The following B3GALT1 variants were observed in gnomAD, a reference collection of about 807,000 sequenced individuals.
B3GALT1 encodes UDP-Gal:betaGlcNAc beta 1,3-galactosyltransferase, polypeptide 1.
In B3GALT1, 10 loss-of-function variants were observed where a neutral mutation model predicts 23.2. The observed-to-expected ratio is 0.43, with a 90% CI of 0.27 to 0.73. The LOEUF (loss-of-function observed/expected upper bound fraction) is 0.73. Ranked by LOEUF, B3GALT1 falls within the 30% of genes least tolerant of loss-of-function variation. The pLI is 0.21. For synonymous variants in B3GALT1, 156 were observed against 141.5 expected, an observed-to-expected ratio of 1.10 and a Z score of -0.73; for missense variants, 299 against 405.4, an observed-to-expected ratio of 0.74 and a Z score of 2.25.
chr2:167,827,130 G>A (rs1372683080), intron 4 of B3GALT1, among the ~76,000 whole-genome samples: 1 of 152,148 alleles, frequency 6.6e-6, no homozygotes, highest in Non-Finnish European at 1.5e-5. Context: ...TCAAGACTCA[G>A]ACACCAGCAC....
chr2:167,367,771 C>T (rs148216896), intron 1 of B3GALT1, among the ~76,000 whole-genome samples: 2 of 152,166 alleles, frequency 1.3e-5, no homozygotes, highest in Admixed American at 6.5e-5. Flanking sequence ...ACCCTCTTCT[C>T]CCCTGAGCAA....
intron 2 of B3GALT1, among the ~76,000 whole-genome samples, chr2:167,625,985 A>ATATG (rs1324767675): frequency 8.3e-6 from 1 of 120,180 alleles, no homozygotes; most frequent in African/African-American, 3.1e-5. Context: ...ATATATATAT[A>ATATG]TGACCTAAGC....
At chr2:167,486,992 A>T (rs1420564199) in intron 1 of B3GALT1, among the ~76,000 whole-genome samples, 3 of 152,222 alleles carry the variant, frequency 2.0e-5, no homozygotes, top group Non-Finnish European at 4.4e-5. Context: ...TTGTTAAAAT[A>T]TGTACTTTAA....
chr2:167,821,837 G>A lies in B3GALT1; in HGVS notation c.-230+3044G>A, dbSNP rs530572818. On this transcript the variant is annotated intron_variant, in intron 4 of 4. Coordinates refer to ENST00000392690, the MANE Select transcript of B3GALT1 (RefSeq NM_020981.4). ...TAGCTTTACAGGAAGTACATCTGTCGGTTATTACAGTCATTCTTGTACAGT... is the reference window on the plus strand; with the variant it reads ...TAGCTTTACAGGAAGTACATCTGTCAGTTATTACAGTCATTCTTGTACAGT... Among the ~76,000 whole-genome samples, 12 of 152,158 alleles carry A rather than the reference G, an allele frequency of 7.9e-5. 1 individual carries two copies. In the South Asian group the frequency reaches 1.0e-3, roughly 13 times the overall value.
chr2:167,411,816 T>C (rs931284635), intron 1 of B3GALT1, among the ~76,000 whole-genome samples: 4 of 152,180 alleles, frequency 2.6e-5, no homozygotes, highest in African/African-American at 9.7e-5. Context: ...TAAGTGCTCA[T>C]CAATAGATGA....
At chr2:167,564,290 C>A (rs572698164) in intron 2 of B3GALT1, among the ~76,000 whole-genome samples, 11 of 151,580 alleles carry the variant, frequency 7.3e-5, no homozygotes, top group South Asian at 2.1e-4. Context: ...ACGCTCCCCC[C>A]CTCCCAGATG....
At position 167,684,896 on chromosome 2, in the gene B3GALT1, C is replaced by T. The variant is rs548089740; in HGVS notation, c.-352+37930C>T. Among the ~76,000 whole-genome samples the T allele has an allele frequency of 2.6e-5, 4 of 152,224 alleles. No individual in the cohort carries two copies. In the South Asian group the frequency reaches 8.3e-4, roughly 32 times the overall value. ...CTCCTGTCCCATCAGTTAATCATAGCCACCTGGGGCTCGTGAAAAATAGAC... is the reference window on the plus strand; with the variant it reads ...CTCCTGTCCCATCAGTTAATCATAGTCACCTGGGGCTCGTGAAAAATAGAC... On this transcript the variant is annotated intron_variant, in intron 3 of 4. Transcript: ENST00000392690.
At position 167,637,712 on chromosome 2, in the gene B3GALT1, A is replaced by T. The variant is rs917853631; in HGVS notation, c.-409-9197A>T. Reference sequence around the variant, plus strand: ...GCCATTCCACCCTCTGCCTTATATGATCAATTTTTTCAGCTTCCACATACA... The same window carrying T: ...GCCATTCCACCCTCTGCCTTATATGTTCAATTTTTTCAGCTTCCACATACA... On this transcript the variant is annotated intron_variant, in intron 2 of 4. Transcript: ENST00000392690. 2.6e-5 allele frequency among the ~76,000 whole-genome samples: 4 copies of T among 151,992 alleles called. No homozygotes were observed. The South Asian group carries it at 8.3e-4, about 32-fold the overall frequency.
chr2:167,489,567 CTT>C (rs1699675632), intron 1 of B3GALT1, among the ~76,000 whole-genome samples: 1 of 152,294 alleles, frequency 6.6e-6, no homozygotes, highest in Non-Finnish European at 1.5e-5. Context: ...ATGCCTGAGA[CTT>C]TGTGTTGTTG....
intron 4 of B3GALT1, among the ~76,000 whole-genome samples, chr2:167,853,043 ATTGAG>A (rs1156421090): frequency 2.6e-5 from 4 of 152,192 alleles, no homozygotes; most frequent in African/African-American, 4.8e-5. Context: ...TAACCTATTG[ATTGAG>A]TTATTTTCCC....
intron 3 of B3GALT1, among the ~76,000 whole-genome samples, chr2:167,811,865 G>A (rs1688896204): frequency 6.6e-6 from 1 of 152,106 alleles, no homozygotes; most frequent in African/African-American, 2.4e-5. Context: ...CACATATCAG[G>A]TCAAGATGCC....
chr2:167,453,732 T>C (rs1699124343), intron 1 of B3GALT1, among the ~76,000 whole-genome samples: 1 of 152,234 alleles, frequency 6.6e-6, no homozygotes, highest in Non-Finnish European at 1.5e-5. Context: ...AATTATCCTT[T>C]TTTTCAGGTA....
intron 2 of B3GALT1, among the ~76,000 whole-genome samples, chr2:167,573,965 T>G (rs1290735024): frequency 6.6e-6 from 1 of 151,684 alleles, no homozygotes; most frequent in Non-Finnish European, 1.5e-5. Flanking sequence ...AAAACAGAGA[T>G]ATGTAAGAGT....
chr2:167,704,065 C>T (rs989789905), intron 3 of B3GALT1, among the ~76,000 whole-genome samples: 12 of 151,468 alleles, frequency 7.9e-5, no homozygotes, highest in African/African-American at 2.9e-4. Flanking sequence ...CCTGTAGTCC[C>T]AGCTACTCGG....
intron 3 of B3GALT1, among the ~76,000 whole-genome samples, chr2:167,818,390 A>G (rs1689039279): frequency 6.6e-6 from 1 of 152,034 alleles, no homozygotes; most frequent in Non-Finnish European, 1.5e-5. Flanking sequence ...ATTCCTTATT[A>G]TCTCACACCC....
At chr2:167,865,592 C>A (rs2105438210) in intron 4 of B3GALT1, among the ~76,000 whole-genome samples, 1 of 152,216 alleles carries the variant, frequency 6.6e-6, no homozygotes, top group Admixed American at 6.5e-5. Context: ...GAGATCGAGA[C>A]CCTCCTGGCT....
intron 3 of B3GALT1, among the ~76,000 whole-genome samples, chr2:167,809,219 A>G (rs1459824974): frequency 6.6e-6 from 1 of 152,066 alleles, no homozygotes; most frequent in African/African-American, 2.4e-5. Flanking sequence ...CTTCTTTGCC[A>G]TGGGTTCGAA....
At chr2:167,856,032 CTT>C (rs1689994243) in intron 4 of B3GALT1, among the ~76,000 whole-genome samples, 1 of 152,116 alleles carries the variant, frequency 6.6e-6, no homozygotes. Flanking sequence ...TTGAATGAGA[CTT>C]TACAACATTT....
At chr2:167,381,566 A>G (rs756056939) in intron 1 of B3GALT1, among the ~76,000 whole-genome samples, 3 of 152,166 alleles carry the variant, frequency 2.0e-5, no homozygotes, top group Non-Finnish European at 2.9e-5. Flanking sequence ...CTTTTTGGTG[A>G]TTCTAATGTG....
Sources: gnomAD v4.1 joint callset for allele counts (sites outside exome capture counted in the v4.1 genomes callset) on GRCh38, gnomAD v4.1.1 for gene constraint, MANE v1.5 for transcripts, NCBI Gene and HGNC (gene_info 2026-07-23, HGNC 2026-07-21) for gene names.